AGBL4: variants seen among roughly 807,000 people sequenced by gnomAD.
AGBL4 encodes the protein cytosolic carboxypeptidase 6.
In AGBL4, 58 loss-of-function variants were observed where a neutral mutation model predicts 66.4. That is an observed-to-expected ratio of 0.87 (90% CI 0.71 to 1.09). AGBL4 has a LOEUF of 1.09. AGBL4 is among the 50% of genes least tolerant of loss of function. The pLI is 0.00. For synonymous variants in AGBL4, 234 were observed against 222.9 expected, an observed-to-expected ratio of 1.05 and a Z score of -0.44; for missense variants, 579 against 631.0, an observed-to-expected ratio of 0.92 and a Z score of 0.88.
At chr1:49,405,819 T>C (rs1314740136) in intron 3 of AGBL4, among the ~76,000 whole-genome samples, 1 of 152,218 alleles carries the variant, frequency 6.6e-6, no homozygotes. Context: ...ATATTCCCTA[T>C]GTTTCTGTCA....
chr1:49,865,942 C>T, intron 1 of AGBL4: 1 of 405,940 alleles, frequency 2.5e-6, no homozygotes, highest in Non-Finnish European at 5.0e-6. Context: ...AAAAACACAA[C>T]ATGAGAATAT....
At chr1:48,826,454 C>T (rs1646428390) in intron 6 of AGBL4, among the ~76,000 whole-genome samples, 1 of 152,172 alleles carries the variant, frequency 6.6e-6, no homozygotes, top group Non-Finnish European at 1.5e-5. Flanking sequence ...TCCCAGTCCA[C>T]CACCTGGTTC....
chr1:48,809,723 C>G (rs2148755499), intron 6 of AGBL4, among the ~76,000 whole-genome samples: 1 of 152,296 alleles, frequency 6.6e-6, no homozygotes, highest in African/African-American at 2.4e-5. Context: ...GTTACACACT[C>G]TGCTTAAACT....
At chr1:49,655,753 T>C (rs1646113817) in intron 3 of AGBL4, among the ~76,000 whole-genome samples, 1 of 152,142 alleles carries the variant, frequency 6.6e-6, no homozygotes, top group South Asian at 2.1e-4. Context: ...AAAAAATCAA[T>C]GAATCCAGGA....
chr1:49,486,296 G>C (rs1217075552), intron 3 of AGBL4, among the ~76,000 whole-genome samples: 1 of 151,946 alleles, frequency 6.6e-6, no homozygotes, highest in African/African-American at 2.4e-5. Context: ...GTCATCATAT[G>C]TATTGTTCTT....
At chr1:49,515,645 C>T (rs1649731611) in intron 3 of AGBL4, among the ~76,000 whole-genome samples, 2 of 151,702 alleles carry the variant, frequency 1.3e-5, no homozygotes, top group Non-Finnish European at 2.9e-5. Context: ...ACCCAAATGT[C>T]CAACAATGAT....
At chr1:48,914,796 G>T (rs954316135) in intron 5 of AGBL4, among the ~76,000 whole-genome samples, 2 of 152,192 alleles carry the variant, frequency 1.3e-5, no homozygotes, top group African/African-American at 4.8e-5. Flanking sequence ...CAAGACAAGT[G>T]TAGTGCCCAA....
At chr1:49,842,245 G>A (rs987468948) in intron 2 of AGBL4, 19 of 444,738 alleles carry the variant, frequency 4.3e-5, no homozygotes, top group Non-Finnish European at 7.0e-5. Flanking sequence ...AGAGGGCCCT[G>A]TACTATGATG....
At chr1:48,914,510 G>A (rs1256331462) in intron 5 of AGBL4, among the ~76,000 whole-genome samples, 2 of 152,134 alleles carry the variant, frequency 1.3e-5, no homozygotes, top group Non-Finnish European at 2.9e-5. Context: ...AGGGGACATG[G>A]GGTTAAGAAA....
intron 2 of AGBL4, among the ~76,000 whole-genome samples, chr1:49,706,672 A>G (rs1454632711): frequency 1.3e-5 from 2 of 151,984 alleles, no homozygotes; most frequent in East Asian, 3.9e-4. Context: ...CTACTTTCTC[A>G]TGAGGGCATT....
chr1:49,166,433 A>C (rs1569902194), intron 4 of AGBL4, among the ~76,000 whole-genome samples: 2 of 152,140 alleles, frequency 1.3e-5, no homozygotes, highest in South Asian at 4.1e-4. Context: ...ACCTTTCCAG[A>C]GTAATTTAGT....
chr1:49,627,255 T>C (rs1271631998), intron 3 of AGBL4, among the ~76,000 whole-genome samples: 3 of 152,138 alleles, frequency 2.0e-5, no homozygotes, highest in Non-Finnish European at 4.4e-5. Flanking sequence ...TAGTACCTCC[T>C]GGTAATAAGT....
intron 1 of AGBL4, among the ~76,000 whole-genome samples, chr1:49,898,213 C>T (rs532464377): frequency 1.7e-4 from 26 of 151,918 alleles, no homozygotes; most frequent in Admixed American, 4.6e-4. Flanking sequence ...AAATTACCCA[C>T]GTGAAAAGGG....
At chr1:48,786,076 C>T (rs570387344) in intron 6 of AGBL4, among the ~76,000 whole-genome samples, 1 of 151,902 alleles carries the variant, frequency 6.6e-6, no homozygotes, top group Admixed American at 6.6e-5. Flanking sequence ...GGAGAACATT[C>T]GTTCAGAAGG....
At chr1:50,022,913 A>T (rs1490587913) in intron 1 of AGBL4, among the ~76,000 whole-genome samples, 1 of 152,138 alleles carries the variant, frequency 6.6e-6, no homozygotes, top group Middle Eastern at 3.2e-3. Flanking sequence ...CCTGTGAGAA[A>T]CTTAAAGTCA....
At chr1:49,188,167 T>A (rs927370020) in intron 4 of AGBL4, among the ~76,000 whole-genome samples, 5 of 152,156 alleles carry the variant, frequency 3.3e-5, no homozygotes, top group African/African-American at 9.7e-5. Flanking sequence ...TATGTCTTTA[T>A]CAGCAGCATG....
intron 3 of AGBL4, among the ~76,000 whole-genome samples, chr1:49,496,253 T>A (rs1312930432): frequency 6.6e-6 from 1 of 152,022 alleles, no homozygotes; most frequent in African/African-American, 2.4e-5. Context: ...TTCAATTATT[T>A]ATTTTAATTG....
chr1:48,650,635 C>A (rs1484323191), intron 8 of AGBL4, among the ~76,000 whole-genome samples: 2 of 152,082 alleles, frequency 1.3e-5, no homozygotes, highest in Non-Finnish European at 2.9e-5. Flanking sequence ...TCCTCCATCA[C>A]AGAATTATGA....
chr1:49,881,676 A>T (rs1647327138), intron 1 of AGBL4, among the ~76,000 whole-genome samples: 1 of 150,480 alleles, frequency 6.6e-6, no homozygotes, highest in Non-Finnish European at 1.5e-5. Context: ...TTGGCTGCAT[A>T]AATGTCTTCT....
Sources: gnomAD v4.1 joint callset for allele counts (sites outside exome capture counted in the v4.1 genomes callset) on GRCh38, gnomAD v4.1.1 for gene constraint, MANE v1.5 for transcripts, NCBI Gene and HGNC (gene_info 2026-07-23, HGNC 2026-07-21) for gene names.